Variants in SGCZ observed in about 807,000 individuals in gnomAD.
SGCZ encodes sarcoglycan zeta.
Under a neutral mutation model 41.3 loss-of-function variants are expected in SGCZ, and 40 were observed. The ratio of observed to expected loss-of-function variants is 0.97; its 90% CI spans 0.75 to 1.26. SGCZ has a LOEUF of 1.26. SGCZ is among the 50% of genes most tolerant of loss of function. The pLI is 0.00. For synonymous variants in SGCZ, 206 were observed against 137.5 expected (o/e 1.50, Z -3.49); for missense variants, 552 against 369.8 (o/e 1.49, Z -4.04).
chr8:15,162,132 T>A (rs1325869811), intron 1 of SGCZ, among the ~76,000 whole-genome samples: 1 of 152,250 alleles, frequency 6.6e-6, no homozygotes, highest in Non-Finnish European at 1.5e-5. Flanking sequence ...GATGAAGACA[T>A]CTATGATATT....
chr8:15,029,575 G>C (rs1803582984), intron 1 of SGCZ, among the ~76,000 whole-genome samples: 1 of 152,046 alleles, frequency 6.6e-6, no homozygotes, highest in Non-Finnish European at 1.5e-5. Flanking sequence ...CAATTTGTCA[G>C]TGAATATTTA....
At chr8:14,798,354 T>A (rs1280408643) in intron 1 of SGCZ, among the ~76,000 whole-genome samples, 1 of 152,224 alleles carries the variant, frequency 6.6e-6, no homozygotes, top group African/African-American at 2.4e-5. Context: ...TTCATCTTCT[T>A]GAGTTCTAAA....
intron 4 of SGCZ, among the ~76,000 whole-genome samples, chr8:14,218,694 G>T (rs1461151087): frequency 6.6e-6 from 1 of 152,180 alleles, no homozygotes; most frequent in East Asian, 1.9e-4. Context: ...TTATGGAAAT[G>T]ATGTTAGAGA....
At chr8:14,327,895 C>T (rs556930680) in intron 2 of SGCZ, among the ~76,000 whole-genome samples, 1 of 152,176 alleles carries the variant, frequency 6.6e-6, no homozygotes, top group Non-Finnish European at 1.5e-5. Context: ...ATTCTCCTGC[C>T]TCAGCCTCCT....
chr8:14,254,068 A>C (rs566833226), intron 3 of SGCZ, among the ~76,000 whole-genome samples: 85 of 152,286 alleles, frequency 5.6e-4, no homozygotes, highest in African/African-American at 1.9e-3. Context: ...CCTTAAACAC[A>C]GTCTTAAATT....
intron 2 of SGCZ, among the ~76,000 whole-genome samples, chr8:14,524,513 C>G (rs529487330): frequency 6.6e-6 from 1 of 152,198 alleles, no homozygotes; most frequent in South Asian, 2.1e-4. Context: ...AGTCAGCCTC[C>G]TACTCAGTCC....
intron 1 of SGCZ, among the ~76,000 whole-genome samples, chr8:14,558,944 A>T (rs1359846052): frequency 1.3e-5 from 2 of 152,098 alleles, no homozygotes; most frequent in Non-Finnish European, 2.9e-5. Context: ...TTATGATTAA[A>T]ACCCTCAACA....
intron 1 of SGCZ, among the ~76,000 whole-genome samples, chr8:14,686,388 T>C (rs780868910): frequency 6.6e-6 from 1 of 152,110 alleles, no homozygotes; most frequent in African/African-American, 2.4e-5. Flanking sequence ...ACAGGAGTGA[T>C]GGGACTCGAA....
chr8:14,304,297 T>A (rs1364419873), intron 3 of SGCZ, among the ~76,000 whole-genome samples: 1 of 151,494 alleles, frequency 6.6e-6, no homozygotes, highest in African/African-American at 2.4e-5. Flanking sequence ...AAAGAAAATT[T>A]TAAAAAATTA....
At chr8:14,482,858 C>T (rs965704496) in intron 2 of SGCZ, among the ~76,000 whole-genome samples, 1 of 151,952 alleles carries the variant, frequency 6.6e-6, no homozygotes, top group African/African-American at 2.4e-5. Context: ...ATTCTCAGGC[C>T]TTCAGACTTA....
At chr8:15,072,985 A>G (rs2131030966) in intron 1 of SGCZ, among the ~76,000 whole-genome samples, 1 of 152,256 alleles carries the variant, frequency 6.6e-6, no homozygotes, top group Non-Finnish European at 1.5e-5. Context: ...TTTAGGAAGC[A>G]TTAGAGTGTT....
chr8:14,174,655 G>A (rs367668785), intron 4 of SGCZ, among the ~76,000 whole-genome samples: 19 of 151,980 alleles, frequency 1.3e-4, no homozygotes, highest in Admixed American at 1.2e-3. Context: ...TACCTTCAAA[G>A]AGCAATATTT....
At chr8:14,368,756 G>T (rs767257925) in intron 2 of SGCZ, among the ~76,000 whole-genome samples, 1 of 151,960 alleles carries the variant, frequency 6.6e-6, no homozygotes, top group Non-Finnish European at 1.5e-5. Flanking sequence ...CACTGTGTTG[G>T]CTGCTACAAA....
At chr8:15,195,647 C>T (rs557716037) in intron 1 of SGCZ, among the ~76,000 whole-genome samples, 9 of 152,124 alleles carry the variant, frequency 5.9e-5, no homozygotes, top group Non-Finnish European at 1.0e-4. Context: ...TGAAATACTT[C>T]TATAAGGCAA....
chr8:15,041,027 T>G (rs1031426580), intron 1 of SGCZ, among the ~76,000 whole-genome samples: 1 of 151,950 alleles, frequency 6.6e-6, no homozygotes, highest in Non-Finnish European at 1.5e-5. Context: ...ATTTAAATAA[T>G]AGAGTAAAAT....
At chr8:14,176,362 T>C (rs1338413308) in intron 4 of SGCZ, among the ~76,000 whole-genome samples, 2 of 152,142 alleles carry the variant, frequency 1.3e-5, no homozygotes, top group Admixed American at 6.5e-5. Context: ...AAACAAAAAG[T>C]AACTAATTTT....
intron 1 of SGCZ, among the ~76,000 whole-genome samples, chr8:15,000,992 G>C (rs545375168): frequency 6.6e-6 from 1 of 152,160 alleles, no homozygotes; most frequent in Non-Finnish European, 1.5e-5. Context: ...CACTTCACCA[G>C]TATCAAAGGT....
At chr8:14,497,292 G>A (rs965909733) in intron 2 of SGCZ, among the ~76,000 whole-genome samples, 2 of 152,168 alleles carry the variant, frequency 1.3e-5, no homozygotes, top group African/African-American at 4.8e-5. Context: ...GGAAGAAGGT[G>A]AAGGGGAGCC....
intron 2 of SGCZ, among the ~76,000 whole-genome samples, chr8:14,469,493 A>G (rs1288357993): frequency 2.0e-5 from 3 of 152,050 alleles, no homozygotes; most frequent in Non-Finnish European, 2.9e-5. Context: ...GATTGTCTCC[A>G]TGAGTGTGGC....
Sources: allele counts gnomAD v4.1 joint callset (sites outside exome capture counted in the v4.1 genomes callset), GRCh38; gene constraint gnomAD v4.1.1; transcripts MANE v1.5; gene names NCBI Gene and HGNC (gene_info 2026-07-23, HGNC 2026-07-21).